The following THSD4 variants were observed in gnomAD, a reference collection of about 807,000 sequenced individuals.
THSD4 encodes thrombospondin type-1 domain-containing protein 4.
A neutral mutation model predicts 119.0 loss-of-function variants in THSD4; 69 were observed. The observed-to-expected ratio is 0.58, with a 90% CI of 0.48 to 0.71. THSD4 has a LOEUF of 0.71. Ranked by LOEUF, THSD4 falls within the 30% of genes least tolerant of loss-of-function variation. THSD4 has a pLI of 0.00. For synonymous variants in THSD4, 524 were observed against 540.4 expected, an observed-to-expected ratio of 0.97 and a Z score of 0.42; for missense variants, 1,393 against 1,391.1, an observed-to-expected ratio of 1.00 and a Z score of -0.02.
intron 3 of THSD4, among the ~76,000 whole-genome samples, chr15:71,173,716 A>G (rs2043408148): frequency 6.6e-6 from 1 of 152,022 alleles, no homozygotes; most frequent in Admixed American, 6.5e-5. Flanking sequence ...TAGTCAAGAT[A>G]ATCTTGAAAA....
At chr15:71,467,264 C>T (rs983929001) in intron 7 of THSD4, among the ~76,000 whole-genome samples, 16 of 152,188 alleles carry the variant, frequency 1.1e-4, no homozygotes, top group Non-Finnish European at 2.1e-4. Context: ...TCTCATCCAT[C>T]CTCGGTTCAC....
chr15:71,306,911 G>T (rs2045038150), intron 6 of THSD4, among the ~76,000 whole-genome samples: 1 of 152,174 alleles, frequency 6.6e-6, no homozygotes, highest in South Asian at 2.1e-4. Context: ...CCAGTTTGAA[G>T]TACAAGCATA....
At chr15:71,214,348 A>C (rs1222715055) in intron 3 of THSD4, among the ~76,000 whole-genome samples, 2 of 152,226 alleles carry the variant, frequency 1.3e-5, no homozygotes, top group Non-Finnish European at 2.9e-5. Flanking sequence ...TCGTCATAGT[A>C]ATTCTTGCTG....
At chr15:71,193,478 G>A (rs2043690521) in intron 3 of THSD4, among the ~76,000 whole-genome samples, 1 of 152,122 alleles carries the variant, frequency 6.6e-6, no homozygotes, top group Non-Finnish European at 1.5e-5. Context: ...GATCCTCCTA[G>A]CTGCTTGGAC....
intron 7 of THSD4, among the ~76,000 whole-genome samples, chr15:71,633,770 A>C (rs1404083558): frequency 6.6e-6 from 1 of 152,266 alleles, no homozygotes; most frequent in Non-Finnish European, 1.5e-5. Flanking sequence ...TCAGAGTAGC[A>C]GAATGGATAT....
At chr15:71,228,573 A>G (rs779496802) in intron 4 of THSD4, among the ~76,000 whole-genome samples, 3 of 152,194 alleles carry the variant, frequency 2.0e-5, no homozygotes, top group African/African-American at 7.2e-5. Context: ...TGCATAAACT[A>G]TCTTTAGTGT....
chr15:71,467,840 T>G (rs1180649560), intron 7 of THSD4, among the ~76,000 whole-genome samples: 1 of 109,884 alleles, frequency 9.1e-6, no homozygotes, highest in East Asian at 2.8e-4. Flanking sequence ...TCAGGAGATA[T>G]GATGGTTTTT....
intron 6 of THSD4, among the ~76,000 whole-genome samples, chr15:71,266,797 A>C (rs1050622949): frequency 4.6e-5 from 7 of 151,976 alleles, no homozygotes; most frequent in African/African-American, 1.4e-4. Context: ...ACCACAGCAC[A>C]AGAACTTCAT....
At chr15:71,393,179 G>T (rs901173984) in intron 6 of THSD4, among the ~76,000 whole-genome samples, 8 of 151,618 alleles carry the variant, frequency 5.3e-5, no homozygotes, top group African/African-American at 1.9e-4. Context: ...TGAATGTGGA[G>T]GGCTGCATTC....
chr15:71,591,613 G>A (rs575700083), intron 7 of THSD4, among the ~76,000 whole-genome samples: 8 of 152,134 alleles, frequency 5.3e-5, no homozygotes, highest in African/African-American at 1.9e-4. Flanking sequence ...ATTCATGCTG[G>A]TGAAGCTCCA....
chr15:71,432,396 A>G (rs1215797301), intron 7 of THSD4, among the ~76,000 whole-genome samples: 1 of 152,226 alleles, frequency 6.6e-6, no homozygotes, highest in East Asian at 1.9e-4. Flanking sequence ...AACCAAAGTG[A>G]TAATTTAGAG....
intron 8 of THSD4, among the ~76,000 whole-genome samples, chr15:71,708,372 G>T (rs1274432407): frequency 6.6e-6 from 1 of 152,198 alleles, no homozygotes; most frequent in African/African-American, 2.4e-5. Context: ...CACGCCCAGT[G>T]CCTGGCCAAG....
chr15:71,551,649 G>T (rs951978021), intron 7 of THSD4, among the ~76,000 whole-genome samples: 36 of 151,540 alleles, frequency 2.4e-4, no homozygotes, highest in African/African-American at 8.3e-4. Context: ...AGCTCCCGAG[G>T]TTTTTTTTTC....
chr15:71,098,455 G>T lies in THSD4; in HGVS notation c.-80+1449G>T, dbSNP rs189924773. 2.0e-3 allele frequency among the ~76,000 whole-genome samples: 311 copies of T among 152,136 alleles called. 1 individual carries two copies. The highest frequency in any genetic ancestry group is 7.1e-3 in the African/African-American group (294 of 41,502). On this transcript the variant is annotated intron_variant, in intron 1 of 17. Coordinates refer to the THSD4 transcript ENST00000355327. ...AATTTGTGTATTTTTGTAGAGACAG[G>T]ATTTTGCCATATTGTCCAGGCTGGT...
intron 1 of THSD4, among the ~76,000 whole-genome samples, chr15:71,098,189 CTTTT>C (rs55726832): frequency 3.6e-5 from 3 of 83,246 alleles, no homozygotes; most frequent in Admixed American, 1.3e-4. Context: ...AATTCTTTCA[CTTTT>C]TTTTTTTTTT....
chr15:71,388,688 G>T (rs185551750), intron 6 of THSD4, among the ~76,000 whole-genome samples: 5 of 151,592 alleles, frequency 3.3e-5, no homozygotes, highest in Admixed American at 6.6e-5. Context: ...GTGTGTGTGT[G>T]TGTGTAGGGA....
intron 7 of THSD4, among the ~76,000 whole-genome samples, chr15:71,609,734 C>A (rs1229917951): frequency 2.6e-5 from 4 of 151,902 alleles, no homozygotes; most frequent in Admixed American, 6.6e-5. Flanking sequence ...CGCCTATAGT[C>A]CCAGCTACTC....
chr15:71,397,683 G>A (rs1447469818), intron 6 of THSD4, among the ~76,000 whole-genome samples: 1 of 152,162 alleles, frequency 6.6e-6, no homozygotes, highest in African/African-American at 2.4e-5. Context: ...GAGTTTAATC[G>A]GGCACTGAAG....
At position 71,726,962 on chromosome 15, in the gene THSD4, C is replaced by G. The variant is rs73430283; in HGVS notation, c.1358-1587C>G. ...CAAAAAAAAAAAAAAGGTACCTTCT[C>G]TAAACCAGTCCTCCTTTGGATTGTG... On this transcript the variant is annotated intron_variant, in intron 8 of 17. Transcript: ENST00000261862. Among the ~76,000 whole-genome samples the G allele has an allele frequency of 7.2e-3, 1,096 of 151,792 alleles. 19 individuals carry two copies. Among genetic ancestry groups the G allele is most frequent in the African/African-American group, 0.025 (1,024 of 41,400 alleles).
Sources: gnomAD v4.1 joint callset for allele counts (sites outside exome capture counted in the v4.1 genomes callset) on GRCh38, gnomAD v4.1.1 for gene constraint, MANE v1.5 for transcripts, NCBI Gene and HGNC (gene_info 2026-07-23, HGNC 2026-07-21) for gene names.